PALM2AKAP2: variants seen among roughly 807,000 people sequenced by gnomAD.
PALM2AKAP2 encodes PALM2 and AKAP2 fusion.
A neutral mutation model predicts 71.5 loss-of-function variants in PALM2AKAP2; 37 were observed. The ratio of observed to expected loss-of-function variants is 0.52; its 90% CI spans 0.40 to 0.68. The LOEUF is 0.68. PALM2AKAP2 is among the 30% of genes least tolerant of loss of function. The pLI, the probability that PALM2AKAP2 is intolerant of heterozygous loss-of-function variation, is 0.00. For synonymous variants in PALM2AKAP2, 468 were observed against 478.8 expected (o/e 0.98, Z 0.29); for missense variants, 1,224 against 1,191.8 (o/e 1.03, Z -0.40).
At chr9:109,855,880 A>C (rs192583997) in intron 1 of PALM2AKAP2, among the ~76,000 whole-genome samples, 26,033 of 151,988 alleles carry the variant, frequency 0.17, 2,380 homozygotes, top group South Asian at 0.23. Flanking sequence ...CTTAAGGTAG[A>C]AAATTATCAT....
intron 1 of PALM2AKAP2, among the ~76,000 whole-genome samples, chr9:109,807,696 C>A (rs1254163707): frequency 3.9e-5 from 6 of 152,048 alleles, no homozygotes; most frequent in African/African-American, 1.4e-4. Context: ...TCAATATGAA[C>A]CAATGGAGCC....
intron 4 of PALM2AKAP2, 47 bp downstream of exon 4, chr9:109,923,896 T>A (rs1177088345): frequency 6.7e-7 from 1 of 1,501,120 alleles, no homozygotes; most frequent in Non-Finnish European, 8.9e-7. Context: ...CATGGGGAAG[T>A]AGGGCCTAGC....
chr9:110,007,936 A>G (rs904379247), intron 6 of PALM2AKAP2, among the ~76,000 whole-genome samples: 1 of 152,256 alleles, frequency 6.6e-6, no homozygotes, highest in African/African-American at 2.4e-5. Context: ...CTGTCTGTCT[A>G]GATTCTTCTT....
intron 6 of PALM2AKAP2, among the ~76,000 whole-genome samples, chr9:109,970,594 A>T (rs572126230): frequency 6.6e-6 from 1 of 152,356 alleles, no homozygotes; most frequent in South Asian, 2.1e-4. Context: ...ACAGTGTAGG[A>T]CTATGGAGCC....
At chr9:110,036,301 G>A (rs1426313599) in intron 7 of PALM2AKAP2, among the ~76,000 whole-genome samples, 9 of 152,150 alleles carry the variant, frequency 5.9e-5, no homozygotes, top group East Asian at 1.9e-4. Flanking sequence ...TTTTGAACCC[G>A]TTAATAAGAA....
intron 1 of PALM2AKAP2, among the ~76,000 whole-genome samples, chr9:110,082,521 A>G (rs1034962037): frequency 6.6e-6 from 1 of 152,358 alleles, no homozygotes; most frequent in African/African-American, 2.4e-5. Flanking sequence ...TACGTACAAT[A>G]AAGTTTAGAA....
intron 3 of PALM2AKAP2, among the ~76,000 whole-genome samples, chr9:109,905,548 A>T (rs1830428069): frequency 1.3e-5 from 2 of 152,294 alleles, no homozygotes; most frequent in African/African-American, 4.8e-5. Context: ...ATCTACCCGC[A>T]GCACATGCAG....
upstream of PALM2AKAP2, chr9:109,780,302 G>C (rs1311432772): frequency 1.5e-6 from 2 of 1,322,552 alleles, no homozygotes; most frequent in Non-Finnish European, 1.9e-6. Flanking sequence ...GGGGGCCAGA[G>C]GCTGAGCCCG....
intron 6 of PALM2AKAP2, among the ~76,000 whole-genome samples, chr9:110,002,973 A>G (rs193163835): frequency 3.2e-4 from 49 of 152,094 alleles, no homozygotes; most frequent in Non-Finnish European, 4.7e-4. Flanking sequence ...TGATCTTTTC[A>G]AAAAACCACC....
intron 1 of PALM2AKAP2, among the ~76,000 whole-genome samples, chr9:109,806,081 A>G (rs768823376): frequency 2.5e-4 from 38 of 152,214 alleles, no homozygotes; most frequent in Non-Finnish European, 4.7e-4. Context: ...GCCTGTTAAC[A>G]TGACTTTATT....
chr9:109,979,935 C>G (rs892350727), intron 6 of PALM2AKAP2, among the ~76,000 whole-genome samples: 1 of 152,182 alleles, frequency 6.6e-6, no homozygotes, highest in Non-Finnish European at 1.5e-5. Flanking sequence ...CAGACGCAGA[C>G]AGGCCTGGAT....
intron 7 of PALM2AKAP2, among the ~76,000 whole-genome samples, chr9:110,039,347 AT>A (rs920628825): frequency 7.9e-5 from 12 of 152,094 alleles, no homozygotes; most frequent in Admixed American, 1.3e-4. Context: ...CACAAGAAAA[AT>A]TTTTTTTGAT....
At chr9:110,125,894 C>T (rs767976915) in intron 1 of PALM2AKAP2, among the ~76,000 whole-genome samples, 31 of 152,004 alleles carry the variant, frequency 2.0e-4, no homozygotes, top group Non-Finnish European at 3.5e-4. Flanking sequence ...TGGCAGATCA[C>T]GCTTTGAAGA....
chr9:109,988,702 AG>A (rs1832422374), intron 6 of PALM2AKAP2, among the ~76,000 whole-genome samples: 1 of 152,042 alleles, frequency 6.6e-6, no homozygotes, highest in South Asian at 2.1e-4. Flanking sequence ...GGGAGGAGGA[AG>A]GGAGGAAGGA....
At chr9:109,865,721 T>C (rs1275271414) in intron 1 of PALM2AKAP2, among the ~76,000 whole-genome samples, 1 of 152,226 alleles carries the variant, frequency 6.6e-6, no homozygotes, top group Non-Finnish European at 1.5e-5. Flanking sequence ...CTCATATCTA[T>C]GACATACATC....
intron 1 of PALM2AKAP2, among the ~76,000 whole-genome samples, chr9:109,733,758 CA>C (rs1025786293): frequency 1.3e-5 from 2 of 152,130 alleles, no homozygotes; most frequent in Non-Finnish European, 2.9e-5. Flanking sequence ...TGAAAATCAT[CA>C]GGGATTCTTT....
At chr9:110,055,696 A>G (rs1217589403) in intron 1 of PALM2AKAP2, among the ~76,000 whole-genome samples, 4 of 152,210 alleles carry the variant, frequency 2.6e-5, no homozygotes, top group Non-Finnish European at 4.4e-5. Context: ...TGTGCAGAGT[A>G]TGGATAAACA....
chr9:110,009,200 G>A (rs1184015011), intron 6 of PALM2AKAP2, among the ~76,000 whole-genome samples: 1 of 152,042 alleles, frequency 6.6e-6, no homozygotes, highest in Non-Finnish European at 1.5e-5. Context: ...GGGAGTGTGG[G>A]TACAGTCAGT....
At chr9:109,939,649 G>A (rs1831313603) in intron 6 of PALM2AKAP2, among the ~76,000 whole-genome samples, 1 of 152,180 alleles carries the variant, frequency 6.6e-6, no homozygotes, top group South Asian at 2.1e-4. Context: ...TTTAAAATAA[G>A]TGTTATATTT....
Sources: allele counts gnomAD v4.1 joint callset (sites outside exome capture counted in the v4.1 genomes callset), GRCh38; gene constraint gnomAD v4.1.1; transcripts MANE v1.5; gene names NCBI Gene and HGNC (gene_info 2026-07-23, HGNC 2026-07-21).